Variants in ZFAND5 observed in about 807,000 individuals in gnomAD.
ZFAND5 encodes AN1-type zinc finger protein 5.
Under a neutral mutation model 23.6 loss-of-function variants are expected in ZFAND5, and 4 were observed. That is an observed-to-expected ratio of 0.17 (90% CI 0.08 to 0.39). The LOEUF is 0.39. Ranked by LOEUF, ZFAND5 falls within the 10% of genes least tolerant of loss-of-function variation. The pLI, the probability that ZFAND5 is intolerant of heterozygous loss-of-function variation, is 1.00. For missense variants in ZFAND5, 161 were observed against 253.7 expected, an observed-to-expected ratio of 0.63 and a Z score of 2.48; for synonymous variants, 68 against 80.6, an observed-to-expected ratio of 0.84 and a Z score of 0.84.
chr9:72,360,455 A>T (rs1225116370), intron 3 of ZFAND5, 173 bp downstream of exon 3: 9 of 920,822 alleles, frequency 9.8e-6, no homozygotes, highest in Non-Finnish European at 1.5e-5. Flanking sequence ...AGATGCTTGT[A>T]GATAGTCATT....
Position 72,356,860 on chromosome 9 carries a change from C to T in ZFAND5, c.493+71G>A, listed in dbSNP as rs1001496040. On this transcript the variant is annotated intron_variant, in intron 6 of 6. Coordinates refer to ENST00000376962, the MANE Select transcript of ZFAND5 (RefSeq NM_001102420.3). ...TTTTATGTGTAAGACCAACTAGTCT[C>T]TTAGGGAGTGACCAAAAGCTCCTTG... 76 of 1,549,962 alleles carry T rather than the reference C, an allele frequency of 4.9e-5. No homozygotes were observed. In the African/African-American group the frequency reaches 7.7e-4, roughly 16 times the overall value.
At chr9:72,359,216 A>G (rs897209798) in intron 5 of ZFAND5, among the ~76,000 whole-genome samples, 5 of 151,838 alleles carry the variant, frequency 3.3e-5, no homozygotes, top group Non-Finnish European at 7.4e-5. Context: ...AGCAGAGAAG[A>G]AACTGAGAAT....
In ZFAND5 at chr9:72,355,904, C is replaced by T. The variant is rs939605515; in HGVS notation, c.*49G>A. The T allele has an allele frequency of 1.5e-5, 23 of 1,551,354 alleles. No individual in the cohort carries two copies. The highest frequency in any genetic ancestry group is 6.2e-5 in the Admixed American group (3 of 48,734). ...GCATCTGCTCTTTAATGTTTTCCTACGATATATTAAAATAAAAACAAAGTT... is the reference window on the plus strand; with the variant it reads ...GCATCTGCTCTTTAATGTTTTCCTATGATATATTAAAATAAAAACAAAGTT... On this transcript the variant is annotated 3_prime_UTR_variant, in exon 7 of 7. Transcript: ENST00000376962.
At chr9:72,361,983 T>C (rs903310113) in intron 2 of ZFAND5, among the ~76,000 whole-genome samples, 1 of 152,202 alleles carries the variant, frequency 6.6e-6, no homozygotes, top group African/African-American at 2.4e-5. Flanking sequence ...AAGTATTAAC[T>C]ACCAAAATTA....
At position 72,357,060 on chromosome 9, in the gene ZFAND5, A is replaced by C; in HGVS notation, c.368-4T>G. ...GATGGACTGGGCTGAGTGACAACTG[A>C]AAAGGACAAAAACACAAATTTGTCA... On this transcript the variant is annotated splice_region_variant and splice_polypyrimidine_tract_variant and intron_variant, in intron 5 of 6. Coordinates refer to ENST00000376962, the MANE Select transcript of ZFAND5 (RefSeq NM_001102420.3). 5.0e-6 allele frequency: 8 copies of C among 1,609,730 alleles called. No individual in the cohort carries two copies. Among genetic ancestry groups the C allele is most frequent in the Non-Finnish European group, 6.8e-6 (8 of 1,178,096 alleles).
At position 72,356,090 on chromosome 9, in the gene ZFAND5, G is replaced by A; in HGVS notation, c.505C>T (p.Arg169Ter). 1 of 1,612,906 alleles carries A rather than the reference G, an allele frequency of 6.2e-7. No homozygotes were observed. Among genetic ancestry groups the A allele is most frequent in the Non-Finnish European group, 8.5e-7 (1 of 1,179,562 alleles). Residue 169 changes from arginine to a stop codon, truncating the protein, a stop_gained, in exon 7 of 7, where the codon CGA (arginine) becomes TGA (stop). Coordinates refer to ENST00000376962, the MANE Select transcript of ZFAND5 (RefSeq NM_001102420.3). LOFTEE classifies it high-confidence loss of function. ...KKVGLTGFDC[R>*]CGNLFCGLHR... ...AGTCCACAAAACAAATTTCCACATC[G>A]GCAGTCAAACCCTGTACAAACGAAG...
chr9:72,360,443 T>C (rs1842065918), intron 3 of ZFAND5, 185 bp downstream of exon 3: 1 of 883,276 alleles, frequency 1.1e-6, no homozygotes, highest in Non-Finnish European at 1.7e-6. Context: ...TGAAAAGCTA[T>C]AAGATGCTTG....
At chr9:72,357,950 T>C (rs1461403164) in intron 5 of ZFAND5, among the ~76,000 whole-genome samples, 1 of 152,178 alleles carries the variant, frequency 6.6e-6, no homozygotes, top group African/African-American at 2.4e-5. Context: ...ACAAAATTTA[T>C]ATCTACTTAC....
At chr9:72,362,614 T>G (rs1451091011) in intron 2 of ZFAND5, among the ~76,000 whole-genome samples, 1 of 152,220 alleles carries the variant, frequency 6.6e-6, no homozygotes, top group East Asian at 1.9e-4. Context: ...GTATTCCAAC[T>G]TTGCTTCAGA....
chr9:72,364,743 A>T lies in ZFAND5; in HGVS notation c.-194T>A. ...AGCCGGGTTCGCGCGCGAAGCCGGC[A>T]CGATGAGGCCGGGCCGAGGCCTCCG... On this transcript the variant is annotated 5_prime_UTR_variant, in exon 1 of 7. Transcript: ENST00000376962. The T allele has an allele frequency of 1.6e-6, 1 of 624,476 alleles. No individual in the cohort carries two copies. The highest frequency in any genetic ancestry group is 2.9e-5 in the South Asian group (1 of 34,276). The allele number at this position is 624,476 out of a possible 1,614,324, so 38.7% of individuals were successfully genotyped here.
At chr9:72,364,237 C>A in intron 1 of ZFAND5, 1 of 345,724 alleles carries the variant, frequency 2.9e-6, no homozygotes, top group Non-Finnish European at 4.9e-6. Flanking sequence ...GCCCGGCCAG[C>A]CCTTCGCCTG....
Position 72,355,054 on chromosome 9 carries a change from TTC to T in ZFAND5, c.*897_*898del, listed in dbSNP as rs1276003647. On this transcript the variant is annotated 3_prime_UTR_variant, in exon 7 of 7. Coordinates refer to ENST00000376962, the MANE Select transcript of ZFAND5 (RefSeq NM_001102420.3). ...GAAGTCTTTTAAAAAGCTTTAAACA[TTC>T]TTTCTTGAACCAAAACATTCGACAA... 1.3e-5 allele frequency: 2 copies of T among 152,634 alleles called. No homozygotes were observed. Among genetic ancestry groups the T allele is most frequent in the African/African-American group, 2.4e-5 (1 of 41,422 alleles). The allele number at this position is 152,634 out of a possible 1,614,324, so 9.5% of individuals were successfully genotyped here.
intron 6 of ZFAND5, 102 bp downstream of exon 6, chr9:72,356,823 CTTTTTT>C (rs34407229): frequency 1.8e-5 from 20 of 1,118,924 alleles, no homozygotes; most frequent in African/African-American, 1.0e-4. Context: ...GCTAGTCAGG[CTTTTTT>C]TTTTTTTTTA....
At chr9:72,357,134 G>GA (rs1324307718) in intron 5 of ZFAND5, 78 bp from the exon 6 acceptor site, 1 of 1,524,206 alleles carries the variant, frequency 6.6e-7, no homozygotes, top group Non-Finnish European at 8.9e-7. Flanking sequence ...GTATTTAAGA[G>GA]AAACAGGAAG....
chr9:72,364,374 C>G, intron 1 of ZFAND5: 1 of 1,161,352 alleles, frequency 8.6e-7, no homozygotes, highest in Non-Finnish European at 1.1e-6. Flanking sequence ...TTCTCTGGGT[C>G]GTGGTGCCCA....
chr9:72,360,923 C>A (rs898953778), intron 2 of ZFAND5, 136 bp from the exon 3 acceptor site: 2 of 752,524 alleles, frequency 2.7e-6, no homozygotes, highest in Non-Finnish European at 1.9e-6. Flanking sequence ...AAAGGGTGGG[C>A]AGAGATAATT....
At chr9:72,364,419 G>C (rs778644548) in intron 1 of ZFAND5, 15 of 1,254,718 alleles carry the variant, frequency 1.2e-5, no homozygotes, top group Non-Finnish European at 1.5e-5. Context: ...GCGGCCTAGA[G>C]GCCGGCCCCG....
chr9:72,361,347 A>G (rs1344180367), intron 2 of ZFAND5, among the ~76,000 whole-genome samples: 1 of 109,812 alleles, frequency 9.1e-6, no homozygotes, highest in Non-Finnish European at 2.0e-5. Flanking sequence ...TGAAAAGAGA[A>G]CTGGTAGCCC....
In ZFAND5 at chr9:72,363,557, C is replaced by G; in HGVS notation, c.-97G>C. On this transcript the variant is annotated 5_prime_UTR_variant, in exon 2 of 7. Transcript: ENST00000376962. Reference sequence around the variant, plus strand: ...TCCTTACTTTCCAGATTTCAGTTCCCTCTTTGCCAAATGGAGTAGAATTGA... The same window carrying G: ...TCCTTACTTTCCAGATTTCAGTTCCGTCTTTGCCAAATGGAGTAGAATTGA... The G allele has an allele frequency of 1.1e-6, 1 of 911,556 alleles. No homozygotes were observed. The highest frequency in any genetic ancestry group is 1.3e-6 in the Non-Finnish European group (1 of 762,462). 56.5% of individuals were successfully genotyped at this position (911,556 alleles called of 1,614,324 possible).
Sources: allele counts gnomAD v4.1 joint callset (sites outside exome capture counted in the v4.1 genomes callset), GRCh38; gene constraint gnomAD v4.1.1; transcripts MANE v1.5; gene names NCBI Gene and HGNC (gene_info 2026-07-23, HGNC 2026-07-21).